Variants in SERINC2 observed in about 807,000 individuals in gnomAD.
SERINC2 encodes tumor differentially expressed protein 2.
A neutral mutation model predicts 54.2 loss-of-function variants in SERINC2; 56 were observed. The ratio of observed to expected loss-of-function variants is 1.03; its 90% CI spans 0.83 to 1.29. The LOEUF (loss-of-function observed/expected upper bound fraction) is 1.29, where lower values mean the gene tolerates loss of function less well. Among genes scored for constraint, SERINC2 ranks in the 50% most tolerant of loss-of-function variants. The probability of loss-of-function intolerance (pLI) is 0.00; values close to 1 mark genes in which losing one functional copy is unlikely to be tolerated. For synonymous variants in SERINC2, 272 were observed against 253.1 expected (o/e 1.07, Z -0.71); for missense variants, 614 against 607.4 (o/e 1.01, Z -0.12).
intron 8 of SERINC2, among the ~76,000 whole-genome samples, chr1:31,432,131 GGGTGGACAGGGTGGACAGGGTGGAC>G (rs1641294982): frequency 1.5e-5 from 2 of 131,224 alleles, no homozygotes; most frequent in African/African-American, 3.1e-5. Flanking sequence ...AGGGTGGATA[GGGTGGACAGGGTGGACAGGGTGGAC>G]AGGGTGGATA....
chr1:31,432,730 G>C (rs763372769), intron 8 of SERINC2, among the ~76,000 whole-genome samples: 1 of 152,106 alleles, frequency 6.6e-6, no homozygotes, highest in Non-Finnish European at 1.5e-5. Flanking sequence ...GAGGAGGTAC[G>C]ATTATCCCTT....
intron 8 of SERINC2, among the ~76,000 whole-genome samples, chr1:31,430,274 G>C (rs781860541): frequency 7.9e-5 from 12 of 152,192 alleles, no homozygotes; most frequent in Non-Finnish European, 1.5e-4. Flanking sequence ...AGCACTTTGG[G>C]AGGCCGAGGT....
chr1:31,413,872 GTCT>G lies in SERINC2; in HGVS notation c.39+572_39+574del. 6.9e-7 allele frequency: 1 copy of G among 1,441,920 alleles called. No individual in the cohort carries two copies. Among genetic ancestry groups the G allele is most frequent in the Non-Finnish European group, 9.1e-7 (1 of 1,104,452 alleles). The allele number at this position is 1,441,920 out of a possible 1,614,324, so 89.3% of individuals were successfully genotyped here. A position where few individuals can be genotyped will look rare whatever the true frequency, so the allele number is the denominator to read the frequency against. ...GTCCGACTGTCTTTGTCCGTCTGCT[GTCT>G]TCTGTCCGTCTGCCCGTCCGCCCGT... is the stretch of plus-strand genomic sequence containing the variant. On this transcript the variant is annotated intron_variant, in intron 1 of 9. Coordinates refer to ENST00000373709, the MANE Select transcript of SERINC2 (RefSeq NM_178865.5). The surrounding 1 kb of genome is among the most constrained non-coding windows in gnomAD (Gnocchi z 5.0).
rs1553133701 is a variant in SERINC2 at position 31,426,723 on chromosome 1, A to G, written c.680A>G (p.Tyr227Cys). 2.5e-6 allele frequency: 4 copies of G among 1,613,922 alleles called. No homozygotes were observed. The South Asian group carries it at 3.3e-5, about 13-fold the overall frequency. ...GCCGTGGCGCTGATGTTCATGTACT[A>G]CACTGAGCCCAGCGGCTGCCACGAG... ...IAAVALMFMY[Y>C]TEPSGCHEGK... The change falls in exon 6 of 10, where the codon TAC becomes TGC. Residue 227 changes from tyrosine to cysteine, a missense_variant. Tyr to Cys is a radical substitution (Grantham distance 194). Transcript: ENST00000373709.
At chr1:31,410,412 G>A (rs12073770), upstream of SERINC2, 4,317 of 1,549,104 alleles carry the variant, frequency 2.8e-3, 107 homozygotes, top group African/African-American at 0.051. Flanking sequence ...GAGAGAGGAG[G>A]AGTCACCCGG....
intron 8 of SERINC2, among the ~76,000 whole-genome samples, chr1:31,432,115 G>C (rs200799455): frequency 1.1e-4 from 12 of 108,832 alleles, no homozygotes; most frequent in Non-Finnish European, 1.3e-4. Flanking sequence ...GGTGGATAGG[G>C]TGGTTAGGGT....
intron 8 of SERINC2, among the ~76,000 whole-genome samples, chr1:31,431,522 C>T (rs915156622): frequency 2.0e-5 from 3 of 152,146 alleles, no homozygotes; most frequent in Non-Finnish European, 4.4e-5. Flanking sequence ...TCTTTCCCTG[C>T]CCCTGGTTCT....
chr1:31,433,220 G>A (rs1001498427), intron 9 of SERINC2, 35 bp downstream of exon 9: 3 of 1,535,100 alleles, frequency 2.0e-6, no homozygotes, highest in East Asian at 2.2e-5. Context: ...AGAGCCCGGA[G>A]GTGCAGGGTG....
intron 1 of SERINC2, among the ~76,000 whole-genome samples, chr1:31,415,454 C>T (rs1044423914): frequency 2.0e-5 from 3 of 152,236 alleles, no homozygotes; most frequent in Admixed American, 2.0e-4. Context: ...CCTATGACAT[C>T]GTTAGCCCAT....
chr1:31,415,435 C>T (rs1170520124), intron 1 of SERINC2, among the ~76,000 whole-genome samples: 2 of 152,226 alleles, frequency 1.3e-5, no homozygotes, highest in African/African-American at 4.8e-5. Context: ...CTCTCCCCAC[C>T]TCCTCTACCC....
intron 6 of SERINC2, 121 bp downstream of exon 6, chr1:31,426,944 C>T (rs1218759465): frequency 7.9e-6 from 7 of 886,804 alleles, no homozygotes; most frequent in Non-Finnish European, 1.2e-5. Context: ...AGTGTGTGGG[C>T]TCCCAGGTCA....
intron 8 of SERINC2, among the ~76,000 whole-genome samples, chr1:31,432,029 A>AGAGGGTGGATAGGGTGGT (rs1557500669): frequency 8.3e-6 from 1 of 119,856 alleles, no homozygotes; most frequent in Non-Finnish European, 1.7e-5. Context: ...GACAGGGTGG[A>AGAGGGTGGATAGGGTGGT]CAGGGTGGAC....
chr1:31,429,310 G>A (rs782685485), intron 7 of SERINC2, 87 bp from the exon 8 acceptor site: 2 of 1,476,774 alleles, frequency 1.4e-6, no homozygotes, highest in South Asian at 1.3e-5. Flanking sequence ...CTGTCTATTA[G>A]GGGTGGCTCT....
intron 1 of SERINC2, among the ~76,000 whole-genome samples, chr1:31,419,306 TA>T (rs1420978377): frequency 6.6e-6 from 1 of 152,256 alleles, no homozygotes; most frequent in Non-Finnish European, 1.5e-5. Context: ...AGGTTTTTTG[TA>T]GTTTCTTGAG....
In SERINC2 at chr1:31,434,243, GCCTCTC is replaced by G; in HGVS notation, c.*45_*50del. 1 of 1,595,032 alleles carries G rather than the reference GCCTCTC, an allele frequency of 6.3e-7. No individual in the cohort carries two copies. The highest frequency in any genetic ancestry group is 8.5e-7 in the Non-Finnish European group (1 of 1,171,934). On this transcript the variant is annotated 3_prime_UTR_variant, in exon 10 of 10. Coordinates refer to ENST00000373709, the MANE Select transcript of SERINC2 (RefSeq NM_178865.5). ...CATCTGGTGCCTCCTGCCACCTGGT[GCCTCTC>G]GGCTCAGTGACAGCCAACCTGCCCC...
intron 1 of SERINC2, among the ~76,000 whole-genome samples, chr1:31,418,599 T>C (rs1168140227): frequency 6.6e-6 from 1 of 152,116 alleles, no homozygotes; most frequent in Admixed American, 6.5e-5. Flanking sequence ...GGTCTCAAAC[T>C]CCTGATCTCA....
intron 9 of SERINC2, among the ~76,000 whole-genome samples, chr1:31,433,468 G>T (rs1233407016): frequency 2.0e-5 from 3 of 152,164 alleles, no homozygotes; most frequent in Non-Finnish European, 4.4e-5. Context: ...CAAATCAGGG[G>T]TCATGGGGTC....
chr1:31,424,708 C>T lies in SERINC2; in HGVS notation c.227C>T (p.Ala76Val). Reference protein sequence around the residue: ...YKLPWVCEEGAGIPTVLQGHI... With the variant: ...YKLPWVCEEGVGIPTVLQGHI... ...CTGCCCTGGGTGTGTGAGGAGGGGG[C>T]CGGGATCCCCACCGTCCTGCAGGGC... The change falls in exon 3 of 10, where the codon GCC becomes GTC. Residue 76 changes from alanine (A) to valine (V), a missense_variant. Transcript: ENST00000373709. The T allele has an allele frequency of 6.2e-7, 1 of 1,603,130 alleles. No individual in the cohort carries two copies. The highest frequency in any genetic ancestry group is 8.5e-7 in the Non-Finnish European group (1 of 1,175,128).
chr1:31,415,494 C>T (rs1459492888), intron 1 of SERINC2, among the ~76,000 whole-genome samples: 3 of 152,232 alleles, frequency 2.0e-5, no homozygotes, highest in South Asian at 4.1e-4. Context: ...ACACTCGCAG[C>T]GTGGAGCTGT....
Sources: allele counts gnomAD v4.1 joint callset (sites outside exome capture counted in the v4.1 genomes callset), GRCh38; gene constraint gnomAD v4.1.1; non-coding constraint Gnocchi (gnomAD v3.1); transcripts MANE v1.5; gene names NCBI Gene and HGNC (gene_info 2026-07-23, HGNC 2026-07-21).